PLXNA4: variants seen among roughly 807,000 people sequenced by gnomAD.
PLXNA4 encodes plexin A4, also known as plexin-A4.
PLXNA4 carries 44 observed loss-of-function variants against 191.8 expected under a neutral mutation model. That is an observed-to-expected ratio of 0.23 (90% confidence interval 0.18 to 0.29). PLXNA4 has a LOEUF of 0.29. Among genes scored for constraint, PLXNA4 ranks in the 10% least tolerant of loss-of-function variants. The pLI is 1.00. For missense variants in PLXNA4, 1,800 were observed against 2,488.8 expected (o/e 0.72, Z 5.89); for synonymous variants, 1,082 against 1,009.5 (o/e 1.07, Z -1.36).
At chr7:132,637,323 G>A (rs1459184182) in intron 2 of PLXNA4, among the ~76,000 whole-genome samples, 1 of 152,132 alleles carries the variant, frequency 6.6e-6, no homozygotes, top group Admixed American at 6.5e-5. Context: ...TGCTGTGTCC[G>A]TAATTGAAGT....
intron 1 of PLXNA4, among the ~76,000 whole-genome samples, chr7:132,540,071 A>T (rs1434886014): frequency 6.6e-6 from 1 of 152,188 alleles, no homozygotes; most frequent in Non-Finnish European, 1.5e-5. Flanking sequence ...TTTAGGATCC[A>T]GAGGGTCAGG....
chr7:132,414,363 T>C (rs1484401378), intron 3 of PLXNA4, among the ~76,000 whole-genome samples: 1 of 152,182 alleles, frequency 6.6e-6, no homozygotes, highest in Non-Finnish European at 1.5e-5. Flanking sequence ...ATGGCTTCAA[T>C]TAAGCGATGG....
At chr7:132,234,936 T>C (rs1324710168) in intron 5 of PLXNA4, among the ~76,000 whole-genome samples, 1 of 152,192 alleles carries the variant, frequency 6.6e-6, no homozygotes, top group Non-Finnish European at 1.5e-5. Flanking sequence ...TAGTGTTAAG[T>C]AGCCCTTGAA....
intron 3 of PLXNA4, among the ~76,000 whole-genome samples, chr7:132,438,765 T>A (rs1361986065): frequency 6.6e-6 from 1 of 152,248 alleles, no homozygotes; most frequent in Non-Finnish European, 1.5e-5. Context: ...ATGTGCTTAA[T>A]ATTGACAATT....
At chr7:132,634,889 G>A (rs1290003951) in intron 2 of PLXNA4, among the ~76,000 whole-genome samples, 1 of 152,154 alleles carries the variant, frequency 6.6e-6, no homozygotes, top group Non-Finnish European at 1.5e-5. Flanking sequence ...TTGAGTCAGT[G>A]GGCCAGGAAA....
intron 2 of PLXNA4, among the ~76,000 whole-genome samples, chr7:132,596,344 C>A (rs1373312640): frequency 6.6e-6 from 1 of 152,118 alleles, no homozygotes; most frequent in African/African-American, 2.4e-5. Flanking sequence ...ATCTTCCAGG[C>A]CTCTCTCTCC....
chr7:132,467,213 C>T (rs1036069246), intron 3 of PLXNA4, among the ~76,000 whole-genome samples: 2 of 152,182 alleles, frequency 1.3e-5, no homozygotes, highest in African/African-American at 4.8e-5. Flanking sequence ...CTCCACAGCT[C>T]TGCAGAGTGG....
chr7:132,340,542 G>A (rs946512944), intron 3 of PLXNA4, among the ~76,000 whole-genome samples: 1 of 152,158 alleles, frequency 6.6e-6, no homozygotes, highest in South Asian at 2.1e-4. Context: ...TGTACACCAA[G>A]GACAGCTTTA....
intron 25 of PLXNA4, among the ~76,000 whole-genome samples, chr7:132,151,325 G>A (rs1378612361): frequency 1.5e-5 from 1 of 67,824 alleles, no homozygotes; most frequent in African/African-American, 5.5e-5. Flanking sequence ...AGGAGGAGGA[G>A]GAAGAAGAAG....
intron 3 of PLXNA4, among the ~76,000 whole-genome samples, chr7:132,469,758 A>G (rs1278346707): frequency 6.6e-6 from 1 of 152,220 alleles, no homozygotes; most frequent in African/African-American, 2.4e-5. Flanking sequence ...TCCTTATTTG[A>G]TCATCACATA....
intron 1 of PLXNA4, among the ~76,000 whole-genome samples, chr7:132,516,251 T>C (rs1798933487): frequency 6.7e-6 from 1 of 150,104 alleles, no homozygotes; most frequent in South Asian, 2.1e-4. Context: ...TTTATTTATT[T>C]ATTTATTTAT....
At chr7:132,383,719 G>T (rs1804995016) in intron 3 of PLXNA4, 1 of 983,386 alleles carries the variant, frequency 1.0e-6, no homozygotes, top group Admixed American at 6.1e-5. Flanking sequence ...ATGCTGAAAT[G>T]TGTATCTTGG....
chr7:132,360,814 C>T (rs1196579029), intron 3 of PLXNA4, among the ~76,000 whole-genome samples: 1 of 152,134 alleles, frequency 6.6e-6, no homozygotes, highest in South Asian at 2.1e-4. Flanking sequence ...GCACAGCACC[C>T]TGGATAGCCC....
At chr7:132,423,296 A>T (rs1375447231) in intron 3 of PLXNA4, among the ~76,000 whole-genome samples, 2 of 152,162 alleles carry the variant, frequency 1.3e-5, no homozygotes, top group Non-Finnish European at 2.9e-5. Context: ...ATTTCATTTA[A>T]CTTTTCCCAA....
intron 31 of PLXNA4, 65 bp downstream of exon 31, chr7:132,132,984 T>G: frequency 6.4e-7 from 1 of 1,571,582 alleles, no homozygotes; most frequent in Non-Finnish European, 8.6e-7. Context: ...TACGGAGGCA[T>G]GCAGGGTTGT....
intron 3 of PLXNA4, among the ~76,000 whole-genome samples, chr7:132,479,981 G>A (rs963164766): frequency 3.3e-5 from 5 of 152,060 alleles, no homozygotes; most frequent in African/African-American, 1.2e-4. Context: ...TTAAAAAGAG[G>A]TTTGACTATA....
intron 2 of PLXNA4, among the ~76,000 whole-genome samples, chr7:132,638,489 T>C (rs1343438361): frequency 2.0e-5 from 3 of 152,096 alleles, no homozygotes; most frequent in Non-Finnish European, 2.9e-5. Flanking sequence ...CCGTGTCTAC[T>C]AAAAATACAA....
At chr7:132,567,970 G>A (rs1475334853) in intron 1 of PLXNA4, among the ~76,000 whole-genome samples, 1 of 152,166 alleles carries the variant, frequency 6.6e-6, no homozygotes, top group Non-Finnish European at 1.5e-5. Flanking sequence ...ATTTAGGGAG[G>A]AAGATAGGGT....
chr7:132,230,346 C>G (rs1227813094), intron 5 of PLXNA4, among the ~76,000 whole-genome samples: 2 of 152,182 alleles, frequency 1.3e-5, no homozygotes, highest in East Asian at 3.9e-4. Flanking sequence ...CCTGATGCCC[C>G]CTTCATATCC....
Sources: gnomAD v4.1 joint callset for allele counts (sites outside exome capture counted in the v4.1 genomes callset) on GRCh38, gnomAD v4.1.1 for gene constraint, MANE v1.5 for transcripts, NCBI Gene and HGNC (gene_info 2026-07-23, HGNC 2026-07-21) for gene names.